DIMT1: variants seen among roughly 807,000 people sequenced by gnomAD.
DIMT1 encodes dimethyladenosine transferase.
In DIMT1, 36 loss-of-function variants were observed where a neutral mutation model predicts 43.2. The observed-to-expected ratio is 0.83, with a 90% CI of 0.64 to 1.10. The LOEUF (loss-of-function observed/expected upper bound fraction) is 1.10. Ranked by LOEUF, DIMT1 falls within the 50% of genes least tolerant of loss-of-function variation. DIMT1 has a pLI of 0.00. For synonymous variants in DIMT1, 126 were observed against 130.3 expected (o/e 0.97, Z 0.22); for missense variants, 341 against 385.3 (o/e 0.88, Z 0.96).
chr5:62,400,672 C>T (rs956972726), intron 3 of DIMT1, among the ~76,000 whole-genome samples: 8 of 152,004 alleles, frequency 5.3e-5, no homozygotes, highest in African/African-American at 1.4e-4. Context: ...ATGTGGGCCA[C>T]AGCTCCTGGC....
chr5:62,393,085 G>A (rs1742363846), intron 8 of DIMT1, 95 bp from the exon 9 acceptor site: 1 of 723,964 alleles, frequency 1.4e-6, no homozygotes, highest in South Asian at 2.1e-5. Flanking sequence ...ATATACAATT[G>A]AAGGAAACTT....
At position 62,394,570 on chromosome 5, in the gene DIMT1, G is replaced by A. The variant is rs757992850; in HGVS notation, c.484C>T (p.Arg162Ter). ...ILMFQREFAL[R>*]LVAKPGDKLY... ...TTATCTCCAGGTTTTGCAACCAGTCGGAGGGCAAATTCTCTTTGAAACATA... is the reference window on the plus strand; with the variant it reads ...TTATCTCCAGGTTTTGCAACCAGTCAGAGGGCAAATTCTCTTTGAAACATA... Residue 162 changes from arginine (R) to a stop codon, truncating the protein, a stop_gained, in exon 7 of 12, where the codon CGA (arginine) becomes TGA (stop). Coordinates refer to ENST00000199320, the MANE Select transcript of DIMT1 (RefSeq NM_014473.4). LOFTEE classifies it high-confidence loss of function. 4.3e-6 allele frequency: 7 copies of A among 1,614,160 alleles called. No homozygotes were observed. Among genetic ancestry groups the A allele is most frequent in the Admixed American group, 3.3e-5 (2 of 60,014 alleles).
rs1742279832 is a variant in DIMT1 at position 62,390,865 on chromosome 5, A to C, written c.899+11T>G. On this transcript the variant is annotated intron_variant, in intron 11 of 11. Transcript: ENST00000199320. ...AAATGTAAACACTTAGGAAAACAAA[A>C]ATGTAATTACCTGATGAAGTCATCT... 6.2e-7 allele frequency: 1 copy of C among 1,608,476 alleles called. No individual in the cohort carries two copies. Among genetic ancestry groups the C allele is most frequent in the Non-Finnish European group, 8.5e-7 (1 of 1,176,850 alleles).
chr5:62,400,047 CACT>C (rs771175658), intron 3 of DIMT1, among the ~76,000 whole-genome samples: 3 of 152,074 alleles, frequency 2.0e-5, no homozygotes, highest in Non-Finnish European at 2.9e-5. Context: ...GAAAAAAATA[CACT>C]ACATGTCTCT....
chr5:62,389,713 C>G (rs1444844211), intron 11 of DIMT1, among the ~76,000 whole-genome samples: 2 of 151,996 alleles, frequency 1.3e-5, no homozygotes, highest in African/African-American at 4.8e-5. Flanking sequence ...GATGAAAAAC[C>G]AATCTTACAT....
chr5:62,403,864 G>T lies in DIMT1; in HGVS notation c.-92C>A, dbSNP rs763556759. On this transcript the variant is annotated 5_prime_UTR_variant, in exon 1 of 12. Coordinates refer to ENST00000199320, the MANE Select transcript of DIMT1 (RefSeq NM_014473.4). ...GCCACCACGTGGGGATCGCCGCCACGCGCCGCCCGCACCACTCTGGCCCAA... is the reference window on the plus strand; with the variant it reads ...GCCACCACGTGGGGATCGCCGCCACTCGCCGCCCGCACCACTCTGGCCCAA... 98 of 1,364,420 alleles carry T rather than the reference G, an allele frequency of 7.2e-5. No individual in the cohort carries two copies. Among genetic ancestry groups the T allele is most frequent in the Non-Finnish European group, 9.4e-5 (93 of 994,092 alleles). 84.5% of individuals were successfully genotyped at this position (1,364,420 alleles called of 1,614,324 possible). A position where few individuals can be genotyped will look rare whatever the true frequency, so the allele number is the denominator to read the frequency against.
chr5:62,396,492 A>G (rs1742501833), intron 6 of DIMT1, among the ~76,000 whole-genome samples: 1 of 152,110 alleles, frequency 6.6e-6, no homozygotes, highest in Admixed American at 6.5e-5. Flanking sequence ...CGGGCACCAG[A>G]GCAAGACTGT....
Position 62,392,797 on chromosome 5 carries a change from T to G in DIMT1, c.728+129A>C, listed in dbSNP as rs1012491680. ...AGCCTCCCAAGCTCTAAAGATAGTT[T>G]AAAAGGTGAAGTTTGTCTGGACCCA... On this transcript the variant is annotated intron_variant, in intron 9 of 11. Coordinates refer to ENST00000199320, the MANE Select transcript of DIMT1 (RefSeq NM_014473.4). 20 of 532,916 alleles carry G rather than the reference T, an allele frequency of 3.8e-5. 1 individual carries two copies. The highest frequency in any genetic ancestry group is 4.2e-4 in the Middle Eastern group (1 of 2,382). 33.0% of individuals were successfully genotyped at this position (532,916 alleles called of 1,614,324 possible). A position where few individuals can be genotyped will look rare whatever the true frequency, so the allele number is the denominator to read the frequency against.
chr5:62,392,129 GAAAAC>G, intron 10 of DIMT1, 37 bp downstream of exon 10: 4 of 1,606,250 alleles, frequency 2.5e-6, no homozygotes, highest in Non-Finnish European at 2.6e-6. Flanking sequence ...CATTTTAAAA[GAAAAC>G]AAATCAATGA....
At chr5:62,395,837 C>G (rs1742468717) in intron 6 of DIMT1, among the ~76,000 whole-genome samples, 1 of 151,832 alleles carries the variant, frequency 6.6e-6, no homozygotes, top group South Asian at 2.1e-4. Flanking sequence ...GAGACCCCTT[C>G]TCTAAAAAAA....
Position 62,388,001 on chromosome 5 carries a change from A to G in DIMT1, c.*1009T>C, listed in dbSNP as rs974804523. ...TTTTTATAGAAACAAAATAGCTACTATAACTCTATTATAGTATATTAACAG... is the reference window on the plus strand; with the variant it reads ...TTTTTATAGAAACAAAATAGCTACTGTAACTCTATTATAGTATATTAACAG... On this transcript the variant is annotated 3_prime_UTR_variant, in exon 12 of 12. Coordinates refer to ENST00000199320, the MANE Select transcript of DIMT1 (RefSeq NM_014473.4). 1 of 152,170 alleles carries G rather than the reference A, an allele frequency of 6.6e-6. No homozygotes were observed. Among genetic ancestry groups the G allele is most frequent in the Admixed American group, 6.5e-5 (1 of 15,282 alleles). The allele number at this position is 152,170 out of a possible 1,614,324, so 9.4% of individuals were successfully genotyped here.
At chr5:62,391,783 ACTG>A in intron 10 of DIMT1, 2 of 1,390,306 alleles carry the variant, frequency 1.4e-6, no homozygotes, top group Non-Finnish European at 1.9e-6. Context: ...TATATTTGTA[ACTG>A]CTATGTGAGC....
chr5:62,393,884 T>C, intron 8 of DIMT1, 71 bp downstream of exon 8: 1 of 1,328,436 alleles, frequency 7.5e-7, no homozygotes, highest in East Asian at 2.4e-5. Flanking sequence ...ATTTTTCTGC[T>C]GTTATAGGCA....
At chr5:62,403,633 G>A (rs1742792508) in intron 1 of DIMT1, 61 bp downstream of exon 1, 6 of 1,545,076 alleles carry the variant, frequency 3.9e-6, no homozygotes, top group Non-Finnish European at 5.3e-6. Flanking sequence ...CCGCACCCCA[G>A]GCTAGGTCCT....
rs565534178 is a variant in DIMT1 at position 62,398,390 on chromosome 5, C to A, written c.446+121G>T. The A allele has an allele frequency of 6.2e-6, 6 of 971,450 alleles. No homozygotes were observed. The South Asian group carries it at 9.0e-5, about 15-fold the overall frequency. 60.2% of individuals were successfully genotyped at this position (971,450 alleles called of 1,614,324 possible). On this transcript the variant is annotated intron_variant, in intron 6 of 11. Coordinates refer to ENST00000199320, the MANE Select transcript of DIMT1 (RefSeq NM_014473.4). The stretch of plus-strand genomic sequence containing the variant: ...AGAGAAAGACCTCCATACAAATCAA[C>A]ATTTTCTACAAAAATTCTTCAGTAG...
intron 3 of DIMT1, 62 bp downstream of exon 3, chr5:62,401,974 T>TA (rs752429463): frequency 6.1e-5 from 91 of 1,502,052 alleles, no homozygotes; most frequent in Non-Finnish European, 8.1e-5. Flanking sequence ...ATTTAGATTG[T>TA]AAACCAACTG....
At chr5:62,389,094 T>TTTG in intron 11 of DIMT1, 42 bp from the exon 12 acceptor site, 1 of 1,550,966 alleles carries the variant, frequency 6.4e-7, no homozygotes, top group South Asian at 1.1e-5. Flanking sequence ...GAAAAGCTAA[T>TTTG]TTGTAGCACA....
intron 7 of DIMT1, 62 bp downstream of exon 7, chr5:62,394,422 G>T (rs570486274): frequency 1.9e-6 from 3 of 1,575,054 alleles, no homozygotes; most frequent in South Asian, 2.2e-5. Flanking sequence ...CTGCACTGCA[G>T]CCTGGGTGAC....
chr5:62,398,823 C>T lies in DIMT1; in HGVS notation c.299G>A (p.Gly100Asp). The change falls in exon 4 of 12, where the codon GGC becomes GAC. Residue 100 changes from glycine to aspartate, a missense_variant. Coordinates refer to ENST00000199320, the MANE Select transcript of DIMT1 (RefSeq NM_014473.4). ...TAATTCTATTATGTATACTCACGTG[C>T]CCTGAACTCTTTTGTGAAGTTCAGC... The part of the protein sequence containing the change: ...LVAELHKRVQ[G>D]TPVASKLQVL... The T allele has an allele frequency of 1.9e-6, 3 of 1,613,944 alleles. No homozygotes were observed. Among genetic ancestry groups the T allele is most frequent in the Non-Finnish European group, 2.5e-6 (3 of 1,179,908 alleles).
Sources: gnomAD v4.1 joint callset for allele counts (sites outside exome capture counted in the v4.1 genomes callset) on GRCh38, gnomAD v4.1.1 for gene constraint, MANE v1.5 for transcripts, NCBI Gene and HGNC (gene_info 2026-07-23, HGNC 2026-07-21) for gene names.